The following ZNF423 variants were observed in gnomAD, a reference collection of about 807,000 sequenced individuals.
ZNF423 encodes the protein Ebf-associated zinc finger protein.
ZNF423 carries 12 observed loss-of-function variants against 95.8 expected under a neutral mutation model. The observed-to-expected ratio is 0.13, with a 90% CI of 0.08 to 0.20. ZNF423 has a LOEUF of 0.20. Among genes scored for constraint, ZNF423 ranks in the 10% least tolerant of loss-of-function variants. The probability of loss-of-function intolerance (pLI) is 1.00; values close to 1 mark genes in which losing one functional copy is unlikely to be tolerated. For missense variants in ZNF423, 1,316 were observed against 1,737.1 expected, an observed-to-expected ratio of 0.76 and a Z score of 4.31; for synonymous variants, 749 against 711.9, an observed-to-expected ratio of 1.05 and a Z score of -0.83.
At chr16:49,752,156 C>A (rs1269696320) in intron 2 of ZNF423, among the ~76,000 whole-genome samples, 5 of 152,260 alleles carry the variant, frequency 3.3e-5, no homozygotes, top group African/African-American at 1.2e-4. Flanking sequence ...CCTCAGGAAT[C>A]AAAGAATGCG....
At chr16:49,787,127 C>T (rs941756904) in intron 2 of ZNF423, among the ~76,000 whole-genome samples, 9 of 152,154 alleles carry the variant, frequency 5.9e-5, no homozygotes, top group African/African-American at 1.9e-4. Context: ...AATGTGACAT[C>T]GCCCACGTCC....
intron 3 of ZNF423, among the ~76,000 whole-genome samples, chr16:49,641,550 G>T (rs569358955): frequency 6.6e-5 from 10 of 152,272 alleles, no homozygotes; most frequent in Admixed American, 3.3e-4. Flanking sequence ...TTGTCCCTAG[G>T]ACAAGCCTGA....
chr16:49,562,904 G>A (rs576337588), intron 5 of ZNF423, among the ~76,000 whole-genome samples: 53 of 151,970 alleles, frequency 3.5e-4, no homozygotes, highest in Non-Finnish European at 1.0e-4. Flanking sequence ...TCAGCCTCCC[G>A]AGTAGTTGGG....
In ZNF423 at chr16:49,492,287, C is replaced by G. The variant is rs905835349; in HGVS notation, c.3850-983G>C. On this transcript the variant is annotated intron_variant, in intron 7 of 7. Transcript: ENST00000563137. The surrounding 1 kb of genome is among the most constrained non-coding windows in gnomAD (Gnocchi z 4.2). ...AACATCCACCAGGTGTAGGGTGGCC[C>G]TGTTTGGGGCCGCACAGGACCCTAG... Among the ~76,000 whole-genome samples the G allele has an allele frequency of 6.9e-6, 1 of 145,442 alleles. No individual in the cohort carries two copies. The highest frequency in any genetic ancestry group is 6.7e-5 in the Admixed American group (1 of 14,924).
At position 49,636,323 on chromosome 16, in the gene ZNF423, G is replaced by C. The variant is rs369438876; in HGVS notation, c.2853C>G (p.Asn951Lys). Residue 951 changes from asparagine (N) to lysine (K), a missense_variant, in exon 4 of 8, where the codon AAC (asparagine) becomes AAG (lysine). Transcript: ENST00000563137. This position sits in a 1 kb window ranked among gnomAD's most constrained non-coding sequence, Gnocchi z 8.6. ...NVCSRTFFSE[N>K]GLREHLQTHR... is the part of the protein sequence containing the mutation. The stretch of plus-strand genomic sequence containing the variant: ...GCGTCTGCAGGTGCTCCCGTAGCCC[G>C]TTCTCCGAGAAGAAAGTCCGTGAAC... 23 of 1,612,528 alleles carry C rather than the reference G, an allele frequency of 1.4e-5. No homozygotes were observed. Among genetic ancestry groups the C allele is most frequent in the Non-Finnish European group, 1.9e-5 (23 of 1,180,034 alleles).
chr16:49,700,195 C>CAAAAAAA (rs3084468), intron 3 of ZNF423, among the ~76,000 whole-genome samples: 3 of 96,580 alleles, frequency 3.1e-5, no homozygotes, highest in Admixed American at 2.2e-4. Flanking sequence ...CCCAGGATTT[C>CAAAAAAA]AAAAAAAAAA....
intron 5 of ZNF423, 148 bp downstream of exon 5, chr16:49,626,022 G>T: frequency 1.4e-6 from 1 of 706,222 alleles, no homozygotes; most frequent in African/African-American, 1.8e-5. Context: ...CCCCCATTCT[G>T]ACATTTTCAC....
chr16:49,575,471 G>C (rs1970467782), intron 5 of ZNF423, among the ~76,000 whole-genome samples: 1 of 152,100 alleles, frequency 6.6e-6, no homozygotes, highest in Admixed American at 6.5e-5. Context: ...ATCACATCCG[G>C]CCAGCATTCA....
intron 3 of ZNF423, among the ~76,000 whole-genome samples, chr16:49,707,322 A>G (rs1317645682): frequency 1.5e-4 from 23 of 152,166 alleles, no homozygotes. Context: ...TATATACAGA[A>G]AAGAGCATTT....
chr16:49,641,295 C>T (rs1224164055), intron 3 of ZNF423, among the ~76,000 whole-genome samples: 1 of 152,200 alleles, frequency 6.6e-6, no homozygotes, highest in African/African-American at 2.4e-5. Flanking sequence ...GGGGGCCAAA[C>T]AGTCAAATAA....
chr16:49,817,276 C>T (rs1283479916), intron 1 of ZNF423, among the ~76,000 whole-genome samples: 1 of 152,204 alleles, frequency 6.6e-6, no homozygotes, highest in Non-Finnish European at 1.5e-5. Flanking sequence ...TACCTCGACA[C>T]TTTTCCCTAA....
chr16:49,643,228 T>C (rs1286802839), intron 3 of ZNF423, among the ~76,000 whole-genome samples: 1 of 152,092 alleles, frequency 6.6e-6, no homozygotes, highest in Non-Finnish European at 1.5e-5. Context: ...CCCTCCAACA[T>C]GAACATTCCA....
At chr16:49,700,215 A>AAAAAAAAAAGAAG (rs1555473664) in intron 3 of ZNF423, among the ~76,000 whole-genome samples, 2 of 136,114 alleles carry the variant, frequency 1.5e-5, no homozygotes, top group African/African-American at 2.9e-5. Context: ...AAAAAAAAAA[A>AAAAAAAAAAGAAG]AACAAGAAGA....
chr16:49,647,193 G>A (rs1973209111), intron 3 of ZNF423, among the ~76,000 whole-genome samples: 1 of 152,228 alleles, frequency 6.6e-6, no homozygotes. Flanking sequence ...ACCAGGTACA[G>A]GTCTTAAGCT....
intron 2 of ZNF423, among the ~76,000 whole-genome samples, chr16:49,766,521 C>A (rs917952709): frequency 6.6e-6 from 1 of 152,212 alleles, no homozygotes; most frequent in African/African-American, 2.4e-5. Flanking sequence ...AAGCCTGTGA[C>A]CTTCAGAGCA....
At chr16:49,804,093 G>A (rs1013405899) in intron 1 of ZNF423, among the ~76,000 whole-genome samples, 7 of 151,936 alleles carry the variant, frequency 4.6e-5, no homozygotes, top group East Asian at 1.9e-4. Context: ...CCGCCACTAC[G>A]CCCAGCTAAT....
intron 3 of ZNF423, among the ~76,000 whole-genome samples, chr16:49,723,350 G>A (rs920824413): frequency 2.0e-5 from 3 of 152,194 alleles, no homozygotes; most frequent in East Asian, 1.9e-4. Context: ...GATCAGAGAC[G>A]GTACAGACCT....
At chr16:49,620,114 C>G (rs1972009588) in intron 5 of ZNF423, among the ~76,000 whole-genome samples, 1 of 151,156 alleles carries the variant, frequency 6.6e-6, no homozygotes, top group Non-Finnish European at 1.5e-5. Context: ...CTGTCTCCCT[C>G]TTTCCCTCTC....
At chr16:49,773,253 A>G (rs1311410539) in intron 2 of ZNF423, among the ~76,000 whole-genome samples, 1 of 152,194 alleles carries the variant, frequency 6.6e-6, no homozygotes, top group Admixed American at 6.5e-5. Context: ...CAGGAGGCGA[A>G]AATTGCAGTG....
Sources: gnomAD v4.1 joint callset for allele counts (sites outside exome capture counted in the v4.1 genomes callset) on GRCh38, gnomAD v4.1.1 for gene constraint, Gnocchi (gnomAD v3.1) non-coding constraint, MANE v1.5 for transcripts, NCBI Gene and HGNC (gene_info 2026-07-23, HGNC 2026-07-21) for gene names.